ELF1: variants seen among roughly 807,000 people sequenced by gnomAD.
The protein encoded by ELF1 is E74 like ETS transcription factor 1.
A neutral mutation model predicts 59.9 loss-of-function variants in ELF1; 24 were observed. The ratio of observed to expected loss-of-function variants is 0.40; its 90% CI spans 0.29 to 0.56. The LOEUF is 0.56. Among genes scored for constraint, ELF1 ranks in the 20% least tolerant of loss-of-function variants. The pLI is 0.44. For synonymous variants in ELF1, 248 were observed against 266.2 expected (o/e 0.93, Z 0.67); for missense variants, 627 against 742.2 (o/e 0.84, Z 1.80).
intron 3 of ELF1, among the ~76,000 whole-genome samples, chr13:40,953,228 G>A (rs189808322): frequency 1.7e-3 from 254 of 152,090 alleles, no homozygotes; most frequent in Admixed American, 0.012. Context: ...TGCCCGCCTC[G>A]GCCTCCCAAA....
At chr13:41,057,816 T>C (rs1267568160) in intron 1 of ELF1, among the ~76,000 whole-genome samples, 1 of 152,210 alleles carries the variant, frequency 6.6e-6, no homozygotes, top group East Asian at 1.9e-4. Context: ...GCGTTAAGAA[T>C]GAATCCTCAC....
chr13:41,022,211 T>C (rs1875716313), upstream of ELF1, among the ~76,000 whole-genome samples: 1 of 152,186 alleles, frequency 6.6e-6, no homozygotes, highest in African/African-American at 2.4e-5. Context: ...TATATCCATA[T>C]AATGGAATGC....
At chr13:41,015,599 T>C (rs1007359675) in intron 1 of ELF1, among the ~76,000 whole-genome samples, 4 of 152,168 alleles carry the variant, frequency 2.6e-5, no homozygotes, top group Non-Finnish European at 5.9e-5. Context: ...CAGTAAAAAA[T>C]GCTGATTGTT....
chr13:40,943,130 G>A lies in ELF1; in HGVS notation c.628C>T (p.Leu210Phe). The change falls in exon 7 of 9, where the codon CTT becomes TTT. Residue 210 changes from leucine to phenylalanine, a missense_variant. Leu to Phe is a conservative substitution (Grantham distance 22). Coordinates refer to ENST00000239882, the MANE Select transcript of ELF1 (RefSeq NM_172373.4). ...NKDGKGNTIY[L>F]WEFLLALLQD... is the part of the protein sequence containing the mutation. Reference sequence around the variant, plus strand: ...AGCAGTGCCAGTAAAAACTCCCAAAGATAAATTGTGTTTCCTGAAACAAAA... The same window carrying A: ...AGCAGTGCCAGTAAAAACTCCCAAAAATAAATTGTGTTTCCTGAAACAAAA... 1 of 1,507,112 alleles carries A rather than the reference G, an allele frequency of 6.6e-7. No individual in the cohort carries two copies. The highest frequency in any genetic ancestry group is 8.9e-7 in the Non-Finnish European group (1 of 1,119,904). 93.4% of individuals were successfully genotyped at this position (1,507,112 alleles called of 1,614,324 possible). A position where few individuals can be genotyped will look rare whatever the true frequency, so the allele number is the denominator to read the frequency against.
rs2084309386 is a variant in ELF1 at position 40,932,683 on chromosome 13, G to GA, written c.*741dup. 6.6e-6 allele frequency: 1 copy of GA among 152,132 alleles called. No individual in the cohort carries two copies. The highest frequency in any genetic ancestry group is 1.5e-5 in the Non-Finnish European group (1 of 68,036). 9.4% of individuals were successfully genotyped at this position (152,132 alleles called of 1,614,324 possible). ...GATAATGATTTAATTGACATAACTT[G>GA]AAAATATAGGTATTAGAATTAAAAA... On this transcript the variant is annotated 3_prime_UTR_variant, in exon 9 of 9. Transcript: ENST00000239882.
At chr13:40,978,058 T>G (rs1277695668) in intron 2 of ELF1, among the ~76,000 whole-genome samples, 1 of 152,112 alleles carries the variant, frequency 6.6e-6, no homozygotes, top group Non-Finnish European at 1.5e-5. Context: ...GCAGATGGAC[T>G]GAGGAGCCAA....
chr13:40,978,512 AT>A lies in ELF1; in HGVS notation c.72+3470del, dbSNP rs370834338. On this transcript the variant is annotated intron_variant, in intron 2 of 8. Transcript: ENST00000239882. ...CCAAAACTAATATTATTAATTTGTA[AT>A]ATTGACATATTTTATTAAAAACATT... is the stretch of plus-strand genomic sequence containing the variant. 5.3e-3 allele frequency among the ~76,000 whole-genome samples: 808 copies of A among 152,254 alleles called. 10 individuals carry two copies. The highest frequency in any genetic ancestry group is 0.019 in the African/African-American group (776 of 41,552).
intron 1 of ELF1, among the ~76,000 whole-genome samples, chr13:41,001,268 C>A (rs1177701460): frequency 1.3e-5 from 2 of 152,028 alleles, no homozygotes; most frequent in African/African-American, 4.8e-5. Flanking sequence ...AGCCACTGTG[C>A]CTGGCCAACA....
chr13:40,954,658 C>T (rs1193490394), intron 3 of ELF1, among the ~76,000 whole-genome samples: 1 of 152,200 alleles, frequency 6.6e-6, no homozygotes, highest in Non-Finnish European at 1.5e-5. Context: ...CTGTGTTGGC[C>T]GGGCTGGTCT....
intron 5 of ELF1, 98 bp from the exon 6 acceptor site, chr13:40,944,023 A>T: frequency 8.8e-7 from 1 of 1,137,058 alleles, no homozygotes; most frequent in Non-Finnish European, 1.3e-6. Context: ...TTCAAGTGCC[A>T]AATGTTTTTA....
intron 1 of ELF1, among the ~76,000 whole-genome samples, chr13:41,053,092 G>A (rs1877147863): frequency 1.3e-5 from 2 of 152,268 alleles, no homozygotes; most frequent in South Asian, 4.1e-4. Context: ...TGTGGCTCAC[G>A]CCTGTAATCT....
intron 8 of ELF1, among the ~76,000 whole-genome samples, chr13:40,940,005 G>C (rs550734215): frequency 6.6e-6 from 1 of 152,098 alleles, no homozygotes; most frequent in Non-Finnish European, 1.5e-5. Context: ...AAAGAAGACT[G>C]AATCTTCTAA....
In ELF1 at chr13:40,943,996, T is replaced by C. The variant is rs576403853; in HGVS notation, c.530-71A>G. 18 of 1,465,716 alleles carry C rather than the reference T, an allele frequency of 1.2e-5. No individual in the cohort carries two copies. The South Asian group carries it at 1.8e-4, about 15-fold the overall frequency. The allele number at this position is 1,465,716 out of a possible 1,614,324, so 90.8% of individuals were successfully genotyped here. A position where few individuals can be genotyped will look rare whatever the true frequency, so the allele number is the denominator to read the frequency against. On this transcript the variant is annotated intron_variant, in intron 5 of 8. Coordinates refer to ENST00000239882, the MANE Select transcript of ELF1 (RefSeq NM_172373.4). Reference sequence around the variant, plus strand: ...GAGAAAATGGACAATTCAGCTATTTTGTCGTTTACCCTAAATTTCAAGTGC... The same window carrying C: ...GAGAAAATGGACAATTCAGCTATTTCGTCGTTTACCCTAAATTTCAAGTGC...
At chr13:41,021,678 A>G (rs1875696195), upstream of ELF1, among the ~76,000 whole-genome samples, 1 of 152,210 alleles carries the variant, frequency 6.6e-6, no homozygotes, top group Non-Finnish European at 1.5e-5. Context: ...GATTATGAGG[A>G]TTAAAATAAG....
rs1015838152 is a variant in ELF1, at chr13:40,982,427, C to G, written c.-228-145G>C. 6 of 401,966 alleles carry G rather than the reference C, an allele frequency of 1.5e-5. No homozygotes were observed. In the East Asian group the frequency reaches 5.6e-4, roughly 37 times the overall value. 24.9% of individuals were successfully genotyped at this position (401,966 alleles called of 1,614,324 possible). ...TCGACACGACTAATGCACATACGCT[C>G]TTTTTTAAAAGTTACATATTTTATT... On this transcript the variant is annotated intron_variant, in intron 1 of 8. Transcript: ENST00000239882.
chr13:40,982,227 TTC>T lies in ELF1; in HGVS notation c.-175_-174del. 1 of 1,293,714 alleles carries T rather than the reference TTC, an allele frequency of 7.7e-7. No homozygotes were observed. Among genetic ancestry groups the T allele is most frequent in the Non-Finnish European group, 9.8e-7 (1 of 1,019,586 alleles). 80.1% of individuals were successfully genotyped at this position (1,293,714 alleles called of 1,614,324 possible). On this transcript the variant is annotated 5_prime_UTR_variant, in exon 2 of 9. Transcript: ENST00000239882. ...CTTCAGTTTTCCTGGTTCATTGATATTCTAGTCAAATTGAGACAATTTTTCTG... is the reference window on the plus strand; with the variant it reads ...CTTCAGTTTTCCTGGTTCATTGATATTAGTCAAATTGAGACAATTTTTCTG...
chr13:40,956,717 A>G (rs1035215926), intron 3 of ELF1, among the ~76,000 whole-genome samples: 1 of 149,822 alleles, frequency 6.7e-6, no homozygotes, highest in African/African-American at 2.5e-5. Flanking sequence ...TTTGAGCTGG[A>G]GTTTTGCTCT....
At chr13:41,005,346 AAAC>A (rs1305600426) in intron 1 of ELF1, among the ~76,000 whole-genome samples, 1 of 151,886 alleles carries the variant, frequency 6.6e-6, no homozygotes, top group African/African-American at 2.4e-5. Context: ...CCAAGTGTCT[AAAC>A]AACAGAACAG....
intron 1 of ELF1, among the ~76,000 whole-genome samples, chr13:41,013,612 A>G (rs774932145): frequency 5.0e-4 from 76 of 152,138 alleles, no homozygotes; most frequent in Non-Finnish European, 7.4e-4. Context: ...GACATACTCT[A>G]TATTTCTTAA....
Sources: allele counts gnomAD v4.1 joint callset (sites outside exome capture counted in the v4.1 genomes callset), GRCh38; gene constraint gnomAD v4.1.1; transcripts MANE v1.5; gene names NCBI Gene and HGNC (gene_info 2026-07-23, HGNC 2026-07-21).